The following NRXN1 variants were observed in gnomAD, a reference collection of about 807,000 sequenced individuals.
NRXN1 encodes the protein neurexin 1.
NRXN1 carries 39 observed loss-of-function variants against 150.9 expected under a neutral mutation model. The observed-to-expected ratio is 0.26, with a 90% CI of 0.20 to 0.34. The LOEUF is 0.34. Among genes scored for constraint, NRXN1 ranks in the 10% least tolerant of loss-of-function variants. NRXN1 has a pLI of 1.00. For synonymous variants in NRXN1, 924 were observed against 757.0 expected, an observed-to-expected ratio of 1.22 and a Z score of -3.62; for missense variants, 1,815 against 1,949.9, an observed-to-expected ratio of 0.93 and a Z score of 1.30.
chr2:50,587,632 G>A (rs937274987), intron 8 of NRXN1, among the ~76,000 whole-genome samples: 3 of 151,990 alleles, frequency 2.0e-5, no homozygotes, highest in Non-Finnish European at 1.5e-5. Flanking sequence ...ATGTGTACTT[G>A]GAGGGAAAAA....
chr2:50,961,782 C>G (rs1187076430), intron 2 of NRXN1, among the ~76,000 whole-genome samples: 3 of 151,608 alleles, frequency 2.0e-5, no homozygotes, highest in African/African-American at 7.3e-5. Context: ...GATGTTGAAT[C>G]AGGGTCAACA....
At chr2:50,715,588 C>A (rs1695759420) in intron 5 of NRXN1, among the ~76,000 whole-genome samples, 1 of 152,124 alleles carries the variant, frequency 6.6e-6, no homozygotes, top group African/African-American at 2.4e-5. Context: ...AACCTAATTT[C>A]CCAGATATCT....
intron 17 of NRXN1, among the ~76,000 whole-genome samples, chr2:50,275,923 T>A (rs1280581105): frequency 1.3e-5 from 2 of 150,994 alleles, no homozygotes; most frequent in Non-Finnish European, 2.9e-5. Flanking sequence ...GCCAAATAAA[T>A]TAAATTGTTC....
At chr2:50,625,137 T>A (rs987500581) in intron 5 of NRXN1, among the ~76,000 whole-genome samples, 16 of 151,846 alleles carry the variant, frequency 1.1e-4, no homozygotes, top group African/African-American at 3.6e-4. Flanking sequence ...TTCTCCCCTG[T>A]AATAGGTTTT....
intron 18 of NRXN1, among the ~76,000 whole-genome samples, chr2:50,126,701 C>T (rs13034607): frequency 0.64 from 96,954 of 151,670 alleles, 31,253 homozygotes; most frequent in Middle Eastern, 0.67. Context: ...TTAACATTAA[C>T]AGAAACTGTG....
At chr2:50,569,214 T>C (rs1348904914) in intron 8 of NRXN1, among the ~76,000 whole-genome samples, 2 of 152,082 alleles carry the variant, frequency 1.3e-5, no homozygotes, top group Middle Eastern at 3.2e-3. Context: ...ATGAATAAGT[T>C]CTAGTATTTG....
At chr2:50,952,220 C>T (rs996725613) in intron 2 of NRXN1, among the ~76,000 whole-genome samples, 4 of 151,720 alleles carry the variant, frequency 2.6e-5, no homozygotes, top group East Asian at 1.9e-4. Flanking sequence ...CCCGCCTCGG[C>T]CTCCCAAAGT....
intron 17 of NRXN1, among the ~76,000 whole-genome samples, chr2:50,314,229 A>G (rs2152967229): frequency 6.6e-6 from 1 of 152,200 alleles, no homozygotes; most frequent in Non-Finnish European, 1.5e-5. Flanking sequence ...TTCTGCAGAC[A>G]TCTTTCCTGC....
chr2:50,971,367 A>G (rs1044247823), intron 2 of NRXN1, among the ~76,000 whole-genome samples: 5 of 151,932 alleles, frequency 3.3e-5, no homozygotes, highest in South Asian at 4.1e-4. Context: ...GGCGGATCAC[A>G]AGGTCAGGAG....
chr2:50,189,645 T>G (rs1158460842), intron 18 of NRXN1, among the ~76,000 whole-genome samples: 5 of 152,180 alleles, frequency 3.3e-5, no homozygotes, highest in Non-Finnish European at 7.3e-5. Flanking sequence ...CAAAGCCTTC[T>G]AGAATGAGTC....
intron 17 of NRXN1, among the ~76,000 whole-genome samples, chr2:50,429,149 G>T (rs1291293372): frequency 6.6e-6 from 1 of 152,060 alleles, no homozygotes; most frequent in Non-Finnish European, 1.5e-5. Context: ...GAATAATAAT[G>T]AGAGCATTTC....
intron 2 of NRXN1, among the ~76,000 whole-genome samples, chr2:50,951,963 AT>A (rs1295565122): frequency 0.014 from 1,040 of 74,596 alleles, 8 homozygotes; most frequent in African/African-American, 0.055. Context: ...ATATATATAT[AT>A]TTTTTTTTTT....
chr2:50,324,567 G>C (rs2076263688), intron 17 of NRXN1, among the ~76,000 whole-genome samples: 1 of 152,184 alleles, frequency 6.6e-6, no homozygotes, highest in Non-Finnish European at 1.5e-5. Flanking sequence ...ATTTGAGACG[G>C]AGTCTCGCTC....
intron 17 of NRXN1, among the ~76,000 whole-genome samples, chr2:50,408,996 C>T (rs544835505): frequency 6.6e-6 from 1 of 152,194 alleles, no homozygotes; most frequent in African/African-American, 2.4e-5. Flanking sequence ...CATGTGGTAA[C>T]TTTTTGGAGT....
chr2:50,380,570 G>GT (rs1051800112), intron 17 of NRXN1, among the ~76,000 whole-genome samples: 1 of 152,042 alleles, frequency 6.6e-6, no homozygotes. Context: ...CTGAGCCTCT[G>GT]TTTTCTCATC....
intron 5 of NRXN1, among the ~76,000 whole-genome samples, chr2:50,861,706 C>T (rs932840312): frequency 1.3e-5 from 2 of 152,000 alleles, no homozygotes; most frequent in Non-Finnish European, 2.9e-5. Context: ...TAGGGTGTGG[C>T]TATAGCAATA....
chr2:50,891,735 T>C (rs1027163185), intron 5 of NRXN1, among the ~76,000 whole-genome samples: 4 of 152,116 alleles, frequency 2.6e-5, no homozygotes, highest in Non-Finnish European at 2.9e-5. Context: ...ACAGTTTCTC[T>C]TGGAATGGGA....
At chr2:50,658,891 A>T (rs1297357302) in intron 5 of NRXN1, among the ~76,000 whole-genome samples, 1 of 152,030 alleles carries the variant, frequency 6.6e-6, no homozygotes, top group Non-Finnish European at 1.5e-5. Flanking sequence ...CATACTCTCC[A>T]GCCCACATCA....
chr2:50,682,938 A>T (rs1396150028), intron 5 of NRXN1, among the ~76,000 whole-genome samples: 1 of 152,182 alleles, frequency 6.6e-6, no homozygotes, highest in Non-Finnish European at 1.5e-5. Context: ...TTACACATAC[A>T]TCTATACCTA....
Sources: gnomAD v4.1 joint callset for allele counts (sites outside exome capture counted in the v4.1 genomes callset) on GRCh38, gnomAD v4.1.1 for gene constraint, MANE v1.5 for transcripts, NCBI Gene and HGNC (gene_info 2026-07-23, HGNC 2026-07-21) for gene names.